TRPC6: variants seen among roughly 807,000 people sequenced by gnomAD.
TRPC6 encodes the protein short transient receptor potential channel 6.
A neutral mutation model predicts 90.7 loss-of-function variants in TRPC6; 55 were observed. The observed-to-expected ratio is 0.61, with a 90% CI of 0.49 to 0.76. The LOEUF is 0.76. TRPC6 is among the 30% of genes least tolerant of loss of function. The pLI is 0.00. For synonymous variants in TRPC6, 393 were observed against 393.0 expected (o/e 1.00, Z 0.00); for missense variants, 989 against 1,122.7 (o/e 0.88, Z 1.70).
chr11:101,552,268 A>G (rs1021753287), intron 1 of TRPC6, among the ~76,000 whole-genome samples: 1 of 152,094 alleles, frequency 6.6e-6, no homozygotes, highest in African/African-American at 2.4e-5. Flanking sequence ...TAGCTGTAAG[A>G]AACAAGAAAG....
chr11:101,481,427 A>G (rs1309160688), intron 5 of TRPC6, among the ~76,000 whole-genome samples: 2 of 152,182 alleles, frequency 1.3e-5, no homozygotes, highest in Admixed American at 6.5e-5. Flanking sequence ...ACTCCCAGGG[A>G]TCATACTTTC....
chr11:101,570,398 T>TA (rs1411760215), intron 1 of TRPC6, among the ~76,000 whole-genome samples: 2 of 151,912 alleles, frequency 1.3e-5, no homozygotes, highest in Non-Finnish European at 2.9e-5. Flanking sequence ...ACCAACCAAA[T>TA]AGAGTCCAGA....
At chr11:101,520,054 G>A (rs1860619616) in intron 1 of TRPC6, 1 of 151,998 alleles carries the variant, frequency 6.6e-6, no homozygotes, top group Admixed American at 6.6e-5. Context: ...TTTCTTTACT[G>A]AGAAGTCACT....
chr11:101,544,920 C>A (rs956248764), intron 1 of TRPC6, among the ~76,000 whole-genome samples: 57 of 152,054 alleles, frequency 3.7e-4, no homozygotes, highest in African/African-American at 1.4e-3. Context: ...TTAATTGACA[C>A]TTTTTGAACT....
intron 1 of TRPC6, among the ~76,000 whole-genome samples, chr11:101,541,090 A>G (rs1045036623): frequency 1.3e-5 from 2 of 152,234 alleles, no homozygotes; most frequent in Admixed American, 1.3e-4. Context: ...GAATTAATAG[A>G]AAATGTATAT....
intron 10 of TRPC6, chr11:101,455,370 G>A (rs578205315): frequency 4.3e-5 from 16 of 373,250 alleles, no homozygotes; most frequent in African/African-American, 1.2e-4. Context: ...AGAATCACGC[G>A]TTAACCTTCT....
intron 1 of TRPC6, among the ~76,000 whole-genome samples, chr11:101,506,350 A>T (rs939482763): frequency 6.6e-6 from 1 of 152,122 alleles, no homozygotes; most frequent in African/African-American, 2.4e-5. Flanking sequence ...TCAGGTCTGG[A>T]GAATCTTAGT....
At chr11:101,495,795 C>T (rs1397468063) in intron 2 of TRPC6, among the ~76,000 whole-genome samples, 1 of 151,956 alleles carries the variant, frequency 6.6e-6, no homozygotes, top group Admixed American at 6.6e-5. Context: ...ATCTTTTACA[C>T]ACAGCACTGA....
intron 2 of TRPC6, among the ~76,000 whole-genome samples, chr11:101,501,286 G>A (rs1860117631): frequency 6.6e-6 from 1 of 151,018 alleles, no homozygotes; most frequent in African/African-American, 2.4e-5. Context: ...AGACTGAAAG[G>A]ATATGTGCTA....
intron 4 of TRPC6, among the ~76,000 whole-genome samples, chr11:101,483,812 G>A (rs561194908): frequency 2.0e-5 from 3 of 152,284 alleles, no homozygotes; most frequent in African/African-American, 7.2e-5. Context: ...TTAGCTGAGT[G>A]ACAATGAGCA....
At chr11:101,520,578 T>C (rs1191827106) in intron 1 of TRPC6, among the ~76,000 whole-genome samples, 1 of 152,170 alleles carries the variant, frequency 6.6e-6, no homozygotes, top group Non-Finnish European at 1.5e-5. Context: ...TAGAGCTTCC[T>C]AGAGACTTGT....
chr11:101,526,821 G>A (rs573821122), intron 1 of TRPC6, among the ~76,000 whole-genome samples: 20 of 123,480 alleles, frequency 1.6e-4, no homozygotes, highest in African/African-American at 3.5e-4. Flanking sequence ...CTGAGATTGC[G>A]CCAGTGCACT....
In TRPC6 at chr11:101,539,004, A is replaced by G. The variant is rs143988254; in HGVS notation, c.171-34206T>C. ...GCTTCGTGAAACTCAGAACAGAGAA[A>G]TCAGCCAGGCCCACCCAGACTGCTA... On this transcript the variant is annotated intron_variant, in intron 1 of 12. Transcript: ENST00000344327. Among the ~76,000 whole-genome samples, 22 of 152,350 alleles carry G rather than the reference A, an allele frequency of 1.4e-4. No individual in the cohort carries two copies. In the East Asian group the frequency reaches 4.2e-3, roughly 29 times the overall value.
intron 10 of TRPC6, among the ~76,000 whole-genome samples, chr11:101,467,151 G>C (rs1226620029): frequency 6.6e-6 from 1 of 152,068 alleles, no homozygotes; most frequent in East Asian, 1.9e-4. Flanking sequence ...GTTCCTATTC[G>C]GCCATCTTGC....
intron 10 of TRPC6, among the ~76,000 whole-genome samples, chr11:101,457,844 C>A (rs1234020276): frequency 6.6e-6 from 1 of 152,130 alleles, no homozygotes. Flanking sequence ...ACTGGACATT[C>A]TATAATTGTC....
At chr11:101,530,713 C>T (rs7106968) in intron 1 of TRPC6, among the ~76,000 whole-genome samples, 90,796 of 151,798 alleles carry the variant, frequency 0.6, 29,187 homozygotes, top group Non-Finnish European at 0.73. Flanking sequence ...ACAATATTCA[C>T]GCCAGCTCGA....
intron 1 of TRPC6, among the ~76,000 whole-genome samples, chr11:101,557,308 C>G (rs1236565454): frequency 6.6e-6 from 1 of 152,124 alleles, no homozygotes; most frequent in Non-Finnish European, 1.5e-5. Flanking sequence ...TGATCCGAGA[C>G]TGTGCCACTG....
intron 1 of TRPC6, among the ~76,000 whole-genome samples, chr11:101,509,296 G>A (rs556409388): frequency 2.6e-5 from 4 of 151,502 alleles, no homozygotes; most frequent in Middle Eastern, 3.2e-3. Context: ...ATGGGGTCTC[G>A]CCATATTGCC....
At chr11:101,529,004 T>C (rs1226077918) in intron 1 of TRPC6, among the ~76,000 whole-genome samples, 1 of 152,002 alleles carries the variant, frequency 6.6e-6, no homozygotes, top group Non-Finnish European at 1.5e-5. Flanking sequence ...ATAGACACCA[T>C]TTTTCTCCTT....
Sources: allele counts gnomAD v4.1 joint callset (sites outside exome capture counted in the v4.1 genomes callset), GRCh38; gene constraint gnomAD v4.1.1; transcripts MANE v1.5; gene names NCBI Gene and HGNC (gene_info 2026-07-23, HGNC 2026-07-21).